Variants in CCDC148 observed in about 807,000 individuals in gnomAD.
CCDC148 encodes coiled-coil domain-containing protein 148.
In CCDC148, 89 loss-of-function variants were observed where a neutral mutation model predicts 85.7. The observed-to-expected ratio is 1.04, with a 90% CI of 0.87 to 1.24. CCDC148 has a LOEUF of 1.24. Ranked by LOEUF, CCDC148 falls within the 50% of genes most tolerant of loss-of-function variation. The pLI, the probability that CCDC148 is intolerant of heterozygous loss-of-function variation, is 0.00. For missense variants in CCDC148, 692 were observed against 671.7 expected (o/e 1.03, Z -0.33); for synonymous variants, 230 against 213.9 (o/e 1.08, Z -0.66).
At chr2:158,236,140 T>G (rs930438540) in intron 10 of CCDC148, 3 of 152,232 alleles carry the variant, frequency 2.0e-5, no homozygotes, top group African/African-American at 7.2e-5. Context: ...GATGTCTATA[T>G]GCATAAATAA....
intron 11 of CCDC148, among the ~76,000 whole-genome samples, chr2:158,217,391 T>G (rs867122032): frequency 1.0e-5 from 1 of 98,862 alleles, no homozygotes; most frequent in African/African-American, 3.0e-5. Context: ...TATATATATA[T>G]ATACACACAC....
intron 1 of CCDC148, among the ~76,000 whole-genome samples, chr2:158,437,449 A>T (rs1390145607): frequency 5.9e-5 from 9 of 152,200 alleles, no homozygotes; most frequent in Non-Finnish European, 8.8e-5. Flanking sequence ...GAAAACTCTT[A>T]ATAAATTAGG....
chr2:158,239,426 G>A (rs1278211552), intron 10 of CCDC148, among the ~76,000 whole-genome samples: 4 of 150,108 alleles, frequency 2.7e-5, no homozygotes, highest in Non-Finnish European at 5.9e-5. Context: ...ATTTTTACAA[G>A]ACAGCTGAAA....
chr2:158,275,982 C>T (rs1013992361), intron 9 of CCDC148, among the ~76,000 whole-genome samples: 7 of 147,140 alleles, frequency 4.8e-5, no homozygotes, highest in Non-Finnish European at 1.0e-4. Context: ...TAAAAAATGT[C>T]TAATTTATCA....
intron 10 of CCDC148, among the ~76,000 whole-genome samples, chr2:158,221,124 T>C (rs1282133235): frequency 6.6e-6 from 1 of 152,222 alleles, no homozygotes; most frequent in Non-Finnish European, 1.5e-5. Flanking sequence ...ACTATTTTTA[T>C]TTTAAAAGCA....
rs1688767374 is a variant in CCDC148 at position 158,456,653 on chromosome 2, G to C, written c.-214C>G. 1 of 619,782 alleles carries C rather than the reference G, an allele frequency of 1.6e-6. No homozygotes were observed. The highest frequency in any genetic ancestry group is 2.8e-6 in the Non-Finnish European group (1 of 358,708). The allele number at this position is 619,782 out of a possible 1,614,324, so 38.4% of individuals were successfully genotyped here. A position where few individuals can be genotyped will look rare whatever the true frequency, so the allele number is the denominator to read the frequency against. Reference sequence around the variant, plus strand: ...AGAGCCAGCGCTGGGGAATCTCCCTGTCCTCTCCGCCACCCCCTCCCGCGC... The same window carrying C: ...AGAGCCAGCGCTGGGGAATCTCCCTCTCCTCTCCGCCACCCCCTCCCGCGC... On this transcript the variant is annotated 5_prime_UTR_variant, in exon 1 of 14. Transcript: ENST00000283233.
At chr2:158,432,729 G>A (rs906756858) in intron 1 of CCDC148, among the ~76,000 whole-genome samples, 1 of 152,068 alleles carries the variant, frequency 6.6e-6, no homozygotes, top group East Asian at 1.9e-4. Context: ...CACACCCCAA[G>A]TCTTTTCAAA....
At chr2:158,174,259 T>C (rs752731179) in intron 13 of CCDC148, among the ~76,000 whole-genome samples, 1 of 152,072 alleles carries the variant, frequency 6.6e-6, no homozygotes, top group Admixed American at 6.6e-5. Flanking sequence ...CTTATACAAA[T>C]GCACCCAGCC....
chr2:158,263,411 TTTA>T (rs2105154722), intron 9 of CCDC148, among the ~76,000 whole-genome samples: 2 of 152,138 alleles, frequency 1.3e-5, no homozygotes, highest in East Asian at 3.9e-4. Flanking sequence ...TATTAAAAAG[TTTA>T]TTAACCACTT....
chr2:158,412,152 C>T (rs1686289059), intron 1 of CCDC148, among the ~76,000 whole-genome samples: 1 of 152,148 alleles, frequency 6.6e-6, no homozygotes, highest in East Asian at 1.9e-4. Flanking sequence ...TTTTCCACTA[C>T]ATCAGGAAGT....
Position 158,274,237 on chromosome 2 carries a change from C to T in CCDC148, c.1111-23325G>A, listed in dbSNP as rs552521723. Among the ~76,000 whole-genome samples, 5 of 152,306 alleles carry T rather than the reference C, an allele frequency of 3.3e-5. No homozygotes were observed. The South Asian group carries it at 1.0e-3, about 32-fold the overall frequency. ...AGCTTGTTAGATATGCAGTCTCAGG[C>T]TTCACCCCAGAATCGGCAGTTTAAA... is the stretch of plus-strand genomic sequence containing the variant. On this transcript the variant is annotated intron_variant, in intron 9 of 13. Transcript: ENST00000283233.
chr2:158,247,547 A>G lies in CCDC148; in HGVS notation c.1251+3225T>C, dbSNP rs552756652. Among the ~76,000 whole-genome samples, 11 of 152,254 alleles carry G rather than the reference A, an allele frequency of 7.2e-5. No individual in the cohort carries two copies. In the South Asian group the frequency reaches 2.1e-3, roughly 29 times the overall value. On this transcript the variant is annotated intron_variant, in intron 10 of 13. Transcript: ENST00000283233. The stretch of plus-strand genomic sequence containing the variant: ...AATGGATAAATGCTAGCTCACTTCT[A>G]CTACGGAACACTATGTAGCAATTAA...
chr2:158,217,664 A>G (rs1686959573), intron 11 of CCDC148, among the ~76,000 whole-genome samples: 1 of 152,112 alleles, frequency 6.6e-6, no homozygotes, highest in Non-Finnish European at 1.5e-5. Flanking sequence ...TTGGCCTCCC[A>G]AAGTGCTGGG....
At position 158,173,456 on chromosome 2, in the gene CCDC148, G is replaced by T. The variant is rs571017329; in HGVS notation, c.1630-1197C>A. 3.9e-5 allele frequency among the ~76,000 whole-genome samples: 6 copies of T among 152,136 alleles called. No individual in the cohort carries two copies. In the South Asian group the frequency reaches 8.3e-4, roughly 21 times the overall value. On this transcript the variant is annotated intron_variant, in intron 13 of 13. Coordinates refer to ENST00000283233, the MANE Select transcript of CCDC148 (RefSeq NM_138803.4). ...ATCATTGTAGTTGCATAGGAAGATG[G>T]GTCTGATTGTAAGTTCAGAATAAAT... is the stretch of plus-strand genomic sequence containing the variant.
At position 158,339,039 on chromosome 2, in the gene CCDC148, C is replaced by A. The variant is rs112804540; in HGVS notation, c.533G>T (p.Arg178Met). 40 of 1,613,932 alleles carry A rather than the reference C, an allele frequency of 2.5e-5. No individual in the cohort carries two copies. The African/African-American group carries it at 2.9e-4, about 12-fold the overall frequency. ...KQLKTVFERL[R>M]LEQQRIENDL... ...ATTTTCTATTCTCTGTTGCTCCAGC[C>A]TAAGTCTTTCAAAGACAGTTTTCAA... The change falls in exon 6 of 14, where the codon AGG (arginine) becomes ATG (methionine). Residue 178 changes from arginine to methionine, a missense_variant. Arg to Met is a moderately conservative substitution (Grantham distance 91). Transcript: ENST00000283233.
At chr2:158,277,686 T>A (rs113562175) in intron 9 of CCDC148, among the ~76,000 whole-genome samples, 3 of 151,964 alleles carry the variant, frequency 2.0e-5, no homozygotes, top group Admixed American at 2.0e-4. Flanking sequence ...AAGCTCCACC[T>A]CCCAGGTTCA....
At chr2:158,368,547 T>C (rs1227736792) in intron 1 of CCDC148, among the ~76,000 whole-genome samples, 2 of 152,166 alleles carry the variant, frequency 1.3e-5, no homozygotes, top group East Asian at 3.8e-4. Context: ...ATTCACATTA[T>C]ATGACATTTT....
intron 10 of CCDC148, among the ~76,000 whole-genome samples, chr2:158,228,329 G>A (rs1017534656): frequency 6.6e-6 from 1 of 152,192 alleles, no homozygotes; most frequent in African/African-American, 2.4e-5. Flanking sequence ...AGAGGACATG[G>A]AGAAATAGGA....
At chr2:158,203,531 T>G (rs142304144) in intron 11 of CCDC148, among the ~76,000 whole-genome samples, 3 of 152,130 alleles carry the variant, frequency 2.0e-5, no homozygotes, top group African/African-American at 7.2e-5. Flanking sequence ...ACAAAGACCT[T>G]ATAGGGATGG....
Sources: allele counts gnomAD v4.1 joint callset (sites outside exome capture counted in the v4.1 genomes callset), GRCh38; gene constraint gnomAD v4.1.1; transcripts MANE v1.5; gene names NCBI Gene and HGNC (gene_info 2026-07-23, HGNC 2026-07-21).